The following SORCS1 variants were observed in gnomAD, a reference collection of about 807,000 sequenced individuals.
SORCS1 encodes the protein sortilin related VPS10 domain containing receptor 1.
SORCS1 carries 60 observed loss-of-function variants against 146.1 expected under a neutral mutation model. That is an observed-to-expected ratio of 0.41 (90% CI 0.33 to 0.51). The LOEUF is 0.51. Among genes scored for constraint, SORCS1 ranks in the 20% least tolerant of loss-of-function variants. The pLI is 0.21. For missense variants in SORCS1, 1,352 were observed against 1,487.6 expected (o/e 0.91, Z 1.50); for synonymous variants, 637 against 584.0 (o/e 1.09, Z -1.31).
chr10:107,008,545 A>T (rs1165195413), intron 1 of SORCS1, among the ~76,000 whole-genome samples: 12 of 152,240 alleles, frequency 7.9e-5, no homozygotes, highest in African/African-American at 2.2e-4. Flanking sequence ...CATTGAAATA[A>T]GTAGATTGAT....
At chr10:106,912,126 AAAC>A (rs1311657818) in intron 2 of SORCS1, among the ~76,000 whole-genome samples, 13 of 148,298 alleles carry the variant, frequency 8.8e-5, no homozygotes, top group South Asian at 4.3e-4. Context: ...AAAAAAAAAC[AAAC>A]AAACAAACAA....
chr10:107,164,608 C>T lies in SORCS1; in HGVS notation c.-82G>A. ...CTCTGCGCTGGCGGCTGTGGGGGGC[C>T]GGCGCTCAGGACCCCAACTCCATCC... On this transcript the variant is annotated 5_prime_UTR_variant, in exon 1 of 26. Coordinates refer to ENST00000263054, the MANE Select transcript of SORCS1 (RefSeq NM_052918.5). The surrounding 1 kb of genome is among the most constrained non-coding windows in gnomAD (Gnocchi z 6.8). The T allele has an allele frequency of 8.5e-7, 1 of 1,180,054 alleles. No homozygotes were observed. Among genetic ancestry groups the T allele is most frequent in the Non-Finnish European group, 1.1e-6 (1 of 921,970 alleles). The allele number at this position is 1,180,054 out of a possible 1,614,324, so 73.1% of individuals were successfully genotyped here. A position where few individuals can be genotyped will look rare whatever the true frequency, so the allele number is the denominator to read the frequency against.
intron 3 of SORCS1, among the ~76,000 whole-genome samples, chr10:106,797,454 C>T (rs1203328780): frequency 7.2e-5 from 11 of 151,976 alleles, no homozygotes; most frequent in Non-Finnish European, 2.9e-5. Context: ...TCATGAAAAC[C>T]ACACAGATTT....
intron 1 of SORCS1, among the ~76,000 whole-genome samples, chr10:106,994,541 C>A (rs1288902198): frequency 6.6e-6 from 1 of 152,152 alleles, no homozygotes; most frequent in African/African-American, 2.4e-5. Context: ...CCATTTTGTT[C>A]TTGAAAATGC....
At chr10:106,740,208 A>T (rs1002117992) in intron 5 of SORCS1, among the ~76,000 whole-genome samples, 2 of 152,192 alleles carry the variant, frequency 1.3e-5, no homozygotes, top group Non-Finnish European at 2.9e-5. Flanking sequence ...AAATCGGAGC[A>T]AAGAATAATC....
At chr10:107,115,896 C>G (rs1467574601) in intron 1 of SORCS1, among the ~76,000 whole-genome samples, 3 of 151,918 alleles carry the variant, frequency 2.0e-5, no homozygotes, top group Non-Finnish European at 2.9e-5. Flanking sequence ...TCATACAACT[C>G]AATAGCAAAA....
intron 1 of SORCS1, among the ~76,000 whole-genome samples, chr10:107,009,345 T>A (rs1957591227): frequency 6.6e-6 from 1 of 152,236 alleles, no homozygotes; most frequent in East Asian, 1.9e-4. Flanking sequence ...CAATATATAC[T>A]GTTCACAAAT....
chr10:106,924,028 G>A (rs1168354904), intron 2 of SORCS1, among the ~76,000 whole-genome samples: 1 of 152,134 alleles, frequency 6.6e-6, no homozygotes, highest in Non-Finnish European at 1.5e-5. Context: ...GAGGCCAAGG[G>A]CAGATCATCT....
At chr10:106,823,876 C>A (rs943067255) in intron 3 of SORCS1, among the ~76,000 whole-genome samples, 1 of 152,204 alleles carries the variant, frequency 6.6e-6, no homozygotes, top group Non-Finnish European at 1.5e-5. Flanking sequence ...GGGACTCAGT[C>A]TCCATATCTG....
intron 18 of SORCS1, among the ~76,000 whole-genome samples, chr10:106,644,600 T>C (rs1849287686): frequency 6.6e-6 from 1 of 152,116 alleles, no homozygotes; most frequent in African/African-American, 2.4e-5. Flanking sequence ...CTCCTGACCT[T>C]GTGTTCTGCC....
chr10:106,740,525 C>T (rs1200880693), intron 5 of SORCS1, among the ~76,000 whole-genome samples: 1 of 151,960 alleles, frequency 6.6e-6, no homozygotes, highest in African/African-American at 2.4e-5. Context: ...ATATGGAACA[C>T]AGAGAAATTA....
At chr10:107,033,169 C>A (rs1210849447) in intron 1 of SORCS1, among the ~76,000 whole-genome samples, 2 of 152,128 alleles carry the variant, frequency 1.3e-5, no homozygotes, top group Non-Finnish European at 2.9e-5. Context: ...TCACAGCCAG[C>A]AGGAAAGAGA....
intron 3 of SORCS1, among the ~76,000 whole-genome samples, chr10:106,793,710 A>G (rs762276119): frequency 1.3e-5 from 2 of 152,224 alleles, no homozygotes; most frequent in Non-Finnish European, 2.9e-5. Context: ...ATTACCCAAA[A>G]TATGTCCACC....
the SORCS1 span, among the ~76,000 whole-genome samples, chr10:107,171,717 T>C: frequency 2.8e-3 from 433 of 152,188 alleles, 4 homozygotes; most frequent in African/African-American, 9.9e-3. Flanking sequence ...GGTTTCACCA[T>C]GTTGTCCTGA....
chr10:107,164,625 A>C lies in SORCS1; in HGVS notation c.-99T>G. The C allele has an allele frequency of 9.9e-7, 1 of 1,012,132 alleles. No homozygotes were observed. The highest frequency in any genetic ancestry group is 1.3e-6 in the Non-Finnish European group (1 of 780,106). 62.7% of individuals were successfully genotyped at this position (1,012,132 alleles called of 1,614,324 possible). A position where few individuals can be genotyped will look rare whatever the true frequency, so the allele number is the denominator to read the frequency against. On this transcript the variant is annotated 5_prime_UTR_variant, in exon 1 of 26. Coordinates refer to ENST00000263054, the MANE Select transcript of SORCS1 (RefSeq NM_052918.5). The surrounding 1 kb of genome is among the most constrained non-coding windows in gnomAD (Gnocchi z 6.8). ...TGGGGGGCCGGCGCTCAGGACCCCA[A>C]CTCCATCCAAGTTGCGCCGCGGTGG...
At chr10:107,081,694 A>G (rs1195085139) in intron 1 of SORCS1, among the ~76,000 whole-genome samples, 1 of 152,230 alleles carries the variant, frequency 6.6e-6, no homozygotes, top group Non-Finnish European at 1.5e-5. Context: ...AAAAGAGTGA[A>G]AAAAAGCATG....
chr10:106,789,420 C>A (rs1437405713), intron 3 of SORCS1, among the ~76,000 whole-genome samples: 1 of 152,170 alleles, frequency 6.6e-6, no homozygotes, highest in Non-Finnish European at 1.5e-5. Flanking sequence ...GCTCTGCTTC[C>A]TCCTGAATGC....
intron 1 of SORCS1, among the ~76,000 whole-genome samples, chr10:107,147,677 C>T (rs1304613229): frequency 6.6e-6 from 1 of 152,166 alleles, no homozygotes; most frequent in East Asian, 1.9e-4. Context: ...GACCATTTAT[C>T]TTCTATACCA....
intron 19 of SORCS1, among the ~76,000 whole-genome samples, chr10:106,623,722 G>A (rs1183612161): frequency 6.6e-6 from 1 of 152,068 alleles, no homozygotes; most frequent in Admixed American, 6.5e-5. Context: ...CTGGAGTGCA[G>A]TGGCATGATC....
Sources: allele counts gnomAD v4.1 joint callset (sites outside exome capture counted in the v4.1 genomes callset), GRCh38; gene constraint gnomAD v4.1.1; non-coding constraint Gnocchi (gnomAD v3.1); transcripts MANE v1.5; gene names NCBI Gene and HGNC (gene_info 2026-07-23, HGNC 2026-07-21).